ANKS1B: variants seen among roughly 807,000 people sequenced by gnomAD.
ANKS1B encodes ankyrin repeat and sterile alpha motif domain containing 1B, also known as ankyrin repeat and sterile alpha motif domain-containing protein 1B.
ANKS1B carries 36 observed loss-of-function variants against 148.3 expected under a neutral mutation model. The ratio of observed to expected loss-of-function variants is 0.24; its 90% CI spans 0.19 to 0.32. The LOEUF is 0.32. Ranked by LOEUF, ANKS1B falls within the 10% of genes least tolerant of loss-of-function variation. The pLI is 1.00. For missense variants in ANKS1B, 1,157 were observed against 1,542.6 expected (o/e 0.75, Z 4.19); for synonymous variants, 542 against 560.8 (o/e 0.97, Z 0.47).
chr12:99,672,625 C>T (rs1460498387), intron 8 of ANKS1B, among the ~76,000 whole-genome samples: 1 of 152,094 alleles, frequency 6.6e-6, no homozygotes. Flanking sequence ...TGATGTTGGT[C>T]AAGCAGAAAC....
intron 11 of ANKS1B, among the ~76,000 whole-genome samples, chr12:99,441,501 C>A (rs534259764): frequency 6.6e-6 from 1 of 151,982 alleles, no homozygotes; most frequent in African/African-American, 2.4e-5. Context: ...AAGTCATGCA[C>A]CAATGTCTCC....
At chr12:99,270,023 A>G (rs772592133) in intron 12 of ANKS1B, among the ~76,000 whole-genome samples, 24 of 152,206 alleles carry the variant, frequency 1.6e-4, no homozygotes, top group Non-Finnish European at 2.9e-4. Flanking sequence ...TTCAAAAAAG[A>G]TAGCAACAAT....
Position 99,825,383 on chromosome 12 carries a change from C to G in ANKS1B, c.141G>C (p.Trp47Cys). The change falls in exon 2 of 27, where the codon TGG (tryptophan) becomes TGC (cysteine). Residue 47 changes from tryptophan (W) to cysteine (C), a missense_variant. Physicochemically the swap from Trp to Cys is radical, Grantham distance 215 (BLOSUM62 -2). Around this residue, in one of 6 missense-constraint regions of ANKS1B, gnomAD observed 164 missense variants for 232.6 expected, o/e 0.71. Coordinates refer to ENST00000683438, the MANE Select transcript of ANKS1B (RefSeq NM_001352186.2). ...CTGTGCAGTTCACATTGGGGCCTCGCCAGATGCTGCAAATAAAGCACAAGC... is the reference window on the plus strand; with the variant it reads ...CTGTGCAGTTCACATTGGGGCCTCGGCAGATGCTGCAAATAAAGCACAAGC... ...PLPLSNLLSI[W>C]RGPNVNCTDS... 6.2e-7 allele frequency: 1 copy of G among 1,609,246 alleles called. No homozygotes were observed. The highest frequency in any genetic ancestry group is 1.1e-5 in the South Asian group (1 of 89,940).
At chr12:98,918,487 C>A (rs2099797347) in intron 17 of ANKS1B, among the ~76,000 whole-genome samples, 1 of 152,192 alleles carries the variant, frequency 6.6e-6, no homozygotes. Context: ...ACAATTTAAT[C>A]CTTTCCCTAA....
intron 14 of ANKS1B, among the ~76,000 whole-genome samples, chr12:99,185,663 C>G (rs978556121): frequency 6.6e-6 from 1 of 152,172 alleles, no homozygotes; most frequent in Non-Finnish European, 1.5e-5. Flanking sequence ...CTCCCCTAGC[C>G]AAGGGAAGCC....
At position 98,999,583 on chromosome 12, in the gene ANKS1B, G is replaced by A. The variant is rs117055273; in HGVS notation, c.2778+53574C>T. On this transcript the variant is annotated intron_variant, in intron 17 of 26. Coordinates refer to ENST00000683438, the MANE Select transcript of ANKS1B (RefSeq NM_001352186.2). ...TAGTAAACCCTGATTCTAGGCCAAA[G>A]GTTAACTCTTTATATCTATGATTTA... Among the ~76,000 whole-genome samples, 553 of 152,262 alleles carry A rather than the reference G, an allele frequency of 3.6e-3. 3 individuals carry two copies. The highest frequency in any genetic ancestry group is 5.6e-3 in the Non-Finnish European group (379 of 68,010).
At chr12:99,157,751 C>G (rs1345720513) in intron 14 of ANKS1B, among the ~76,000 whole-genome samples, 1 of 152,098 alleles carries the variant, frequency 6.6e-6, no homozygotes, top group Non-Finnish European at 1.5e-5. Context: ...GCCCAGACCT[C>G]ACCACTTTGG....
chr12:98,921,368 A>G (rs1348876545), intron 17 of ANKS1B, among the ~76,000 whole-genome samples: 1 of 152,198 alleles, frequency 6.6e-6, no homozygotes, highest in Non-Finnish European at 1.5e-5. Context: ...TACATTCTCT[A>G]TAATATTGTA....
chr12:99,413,593 A>G (rs1818692615), intron 11 of ANKS1B, among the ~76,000 whole-genome samples: 1 of 152,206 alleles, frequency 6.6e-6, no homozygotes, highest in Non-Finnish European at 1.5e-5. Context: ...GCTATGCATT[A>G]AACTCTTACA....
chr12:99,571,826 G>T (rs554012314), intron 9 of ANKS1B, among the ~76,000 whole-genome samples: 1 of 152,028 alleles, frequency 6.6e-6, no homozygotes, highest in African/African-American at 2.4e-5. Context: ...AGTGTTCTAA[G>T]GACAAAGACA....
chr12:99,511,125 CT>C (rs1449324057), intron 9 of ANKS1B, among the ~76,000 whole-genome samples: 1 of 151,956 alleles, frequency 6.6e-6, no homozygotes, highest in Non-Finnish European at 1.5e-5. Flanking sequence ...ATGCTTCCAG[CT>C]TTTGCCCATT....
At chr12:99,088,419 A>G (rs1360757563) in intron 15 of ANKS1B, among the ~76,000 whole-genome samples, 5 of 152,354 alleles carry the variant, frequency 3.3e-5, no homozygotes, top group African/African-American at 9.6e-5. Flanking sequence ...CTATGATTTC[A>G]GCCATGTTTG....
intron 1 of ANKS1B, among the ~76,000 whole-genome samples, chr12:99,956,360 A>G (rs1013449863): frequency 3.3e-5 from 5 of 152,082 alleles, no homozygotes; most frequent in African/African-American, 1.2e-4. Context: ...AATATCAAAC[A>G]AGTAAATTTT....
chr12:99,951,706 C>T (rs886315371), intron 1 of ANKS1B, among the ~76,000 whole-genome samples: 7 of 131,910 alleles, frequency 5.3e-5, no homozygotes, highest in African/African-American at 2.2e-4. Flanking sequence ...AAGACCTTGC[C>T]TCTACCGAAA....
intron 12 of ANKS1B, among the ~76,000 whole-genome samples, chr12:99,322,724 A>G (rs985026913): frequency 6.6e-6 from 1 of 152,114 alleles, no homozygotes; most frequent in African/African-American, 2.4e-5. Flanking sequence ...CTTCAGTGAT[A>G]TGGTTTGGCT....
chr12:99,673,825 T>C (rs1359098756), intron 8 of ANKS1B, among the ~76,000 whole-genome samples: 4 of 151,694 alleles, frequency 2.6e-5, no homozygotes, highest in Non-Finnish European at 5.9e-5. Context: ...TTATAGAATA[T>C]GGTTATTAAT....
chr12:98,794,209 T>C (rs2098923447), intron 22 of ANKS1B, among the ~76,000 whole-genome samples: 1 of 151,772 alleles, frequency 6.6e-6, no homozygotes, highest in Non-Finnish European at 1.5e-5. Flanking sequence ...CTGGCCAACA[T>C]GGTGAAACCC....
intron 9 of ANKS1B, chr12:99,649,867 A>G (rs11613157): frequency 0.3 from 46,607 of 156,326 alleles, 7,501 homozygotes; most frequent in African/African-American, 0.35. Flanking sequence ...AGTTATCTCA[A>G]CTCTGCAGGA....
chr12:99,711,438 C>G (rs770118867), intron 8 of ANKS1B, among the ~76,000 whole-genome samples: 1 of 152,050 alleles, frequency 6.6e-6, no homozygotes, highest in African/African-American at 2.4e-5. Context: ...CTCCACCCTT[C>G]CAGCCTCCAC....
Sources: gnomAD v4.1 joint callset for allele counts (sites outside exome capture counted in the v4.1 genomes callset) on GRCh38, gnomAD v4.1.1 for gene constraint, gnomAD v4.1.1 regional missense constraint, MANE v1.5 for transcripts, NCBI Gene and HGNC (gene_info 2026-07-23, HGNC 2026-07-21) for gene names.